The following KCNQ5 variants were observed in gnomAD, a reference collection of about 807,000 sequenced individuals.
The protein encoded by KCNQ5 is potassium voltage-gated channel subfamily KQT member 5.
In KCNQ5, 30 loss-of-function variants were observed where a neutral mutation model predicts 98.2. That is an observed-to-expected ratio of 0.31 (90% CI 0.23 to 0.41). KCNQ5 has a LOEUF of 0.41. Ranked by LOEUF, KCNQ5 falls within the 10% of genes least tolerant of loss-of-function variation. KCNQ5 has a pLI of 1.00. For missense variants in KCNQ5, 835 were observed against 1,182.5 expected (o/e 0.71, Z 4.31); for synonymous variants, 458 against 449.4 (o/e 1.02, Z -0.24).
At chr6:72,921,840 T>A (rs139026687) in intron 1 of KCNQ5, among the ~76,000 whole-genome samples, 23 of 152,290 alleles carry the variant, frequency 1.5e-4, no homozygotes, top group Non-Finnish European at 2.9e-4. Context: ...CAGTAATTCA[T>A]AACTCACTGA....
intron 11 of KCNQ5, among the ~76,000 whole-genome samples, chr6:73,187,061 CTT>C (rs56920924): frequency 1.2e-4 from 16 of 137,146 alleles, no homozygotes; most frequent in African/African-American, 1.3e-4. Context: ...CACCAAAATT[CTT>C]TTTTTTTTTT....
chr6:73,175,206 A>C (rs1017553294), intron 11 of KCNQ5, among the ~76,000 whole-genome samples: 1 of 151,676 alleles, frequency 6.6e-6, no homozygotes, highest in African/African-American at 2.4e-5. Context: ...GCTGGAGTGC[A>C]ACGGCGCGAT....
At chr6:72,787,818 T>C (rs1773834967) in intron 1 of KCNQ5, among the ~76,000 whole-genome samples, 1 of 152,228 alleles carries the variant, frequency 6.6e-6, no homozygotes, top group Non-Finnish European at 1.5e-5. Context: ...TGGCACATTC[T>C]TCCTGTGCAT....
chr6:72,825,471 G>C (rs1775950622), intron 1 of KCNQ5, among the ~76,000 whole-genome samples: 1 of 152,216 alleles, frequency 6.6e-6, no homozygotes, highest in Admixed American at 6.5e-5. Flanking sequence ...GAAAATGCCA[G>C]AATGAGTCAC....
intron 2 of KCNQ5, among the ~76,000 whole-genome samples, chr6:73,018,854 C>G (rs1412763896): frequency 6.6e-6 from 1 of 152,138 alleles, no homozygotes; most frequent in African/African-American, 2.4e-5. Flanking sequence ...AGCAGCTCAG[C>G]ATACAACACA....
At chr6:72,876,270 T>A (rs1413120402) in intron 1 of KCNQ5, among the ~76,000 whole-genome samples, 4 of 152,116 alleles carry the variant, frequency 2.6e-5, no homozygotes, top group Non-Finnish European at 5.9e-5. Flanking sequence ...ATTCCATTGG[T>A]TTATGCATTT....
chr6:73,007,595 T>C (rs1582180305), intron 2 of KCNQ5, among the ~76,000 whole-genome samples: 2 of 152,204 alleles, frequency 1.3e-5, no homozygotes, highest in African/African-American at 4.8e-5. Flanking sequence ...TTTTGTCCAT[T>C]TCAGCTCTTA....
chr6:72,977,891 G>A (rs372378883), intron 1 of KCNQ5, among the ~76,000 whole-genome samples: 7 of 152,244 alleles, frequency 4.6e-5, no homozygotes, highest in African/African-American at 1.7e-4. Flanking sequence ...TATACCTTCA[G>A]CACCTAGAAC....
chr6:72,816,173 G>T (rs762458178), intron 1 of KCNQ5, among the ~76,000 whole-genome samples: 1 of 152,102 alleles, frequency 6.6e-6, no homozygotes, highest in Non-Finnish European at 1.5e-5. Flanking sequence ...TTTTATTGTC[G>T]CAAATAAATA....
intron 1 of KCNQ5, among the ~76,000 whole-genome samples, chr6:72,701,865 T>C (rs1768826869): frequency 6.6e-6 from 1 of 152,254 alleles, no homozygotes; most frequent in East Asian, 1.9e-4. Flanking sequence ...GCCTAATTTT[T>C]GTATTTTCTG....
intron 10 of KCNQ5, among the ~76,000 whole-genome samples, chr6:73,160,036 CAG>C (rs201298049): frequency 0.013 from 1,983 of 151,552 alleles, 12 homozygotes; most frequent in Non-Finnish European, 0.017. Context: ...TTTTTTGAGA[CAG>C]AGTCTCGCTC....
chr6:72,850,957 T>A (rs1777228014), intron 1 of KCNQ5, among the ~76,000 whole-genome samples: 1 of 151,934 alleles, frequency 6.6e-6, no homozygotes, highest in African/African-American at 2.4e-5. Context: ...GCTTTTTGAC[T>A]AACAGATACT....
intron 2 of KCNQ5, among the ~76,000 whole-genome samples, chr6:73,032,668 CAG>C (rs1348157695): frequency 6.6e-6 from 1 of 152,140 alleles, no homozygotes; most frequent in Non-Finnish European, 1.5e-5. Context: ...AAAATCATAA[CAG>C]AATACATATC....
At chr6:73,118,738 T>A (rs1328573371) in intron 7 of KCNQ5, among the ~76,000 whole-genome samples, 1 of 152,178 alleles carries the variant, frequency 6.6e-6, no homozygotes, top group East Asian at 1.9e-4. Context: ...AATGAATTGG[T>A]CTGCCAGGCA....
At chr6:72,859,138 A>C (rs762254236) in intron 1 of KCNQ5, among the ~76,000 whole-genome samples, 1 of 152,022 alleles carries the variant, frequency 6.6e-6, no homozygotes, top group East Asian at 1.9e-4. Flanking sequence ...TCTTTCAAAA[A>C]CTCCAAGGCT....
chr6:73,030,763 T>C (rs1333618892), intron 2 of KCNQ5, among the ~76,000 whole-genome samples: 2 of 152,176 alleles, frequency 1.3e-5, no homozygotes, highest in Non-Finnish European at 2.9e-5. Flanking sequence ...CAAGATTGTA[T>C]CTGATTTCTA....
At chr6:72,756,543 G>A (rs1771980063) in intron 1 of KCNQ5, among the ~76,000 whole-genome samples, 1 of 152,090 alleles carries the variant, frequency 6.6e-6, no homozygotes, top group African/African-American at 2.4e-5. Flanking sequence ...AAGTTGTAGA[G>A]TTTTTGTTTT....
intron 1 of KCNQ5, among the ~76,000 whole-genome samples, chr6:72,974,681 A>G (rs2150288803): frequency 6.6e-6 from 1 of 152,280 alleles, no homozygotes; most frequent in East Asian, 1.9e-4. Context: ...TTTAAAAAAT[A>G]GGACAGGTGC....
chr6:73,169,614 G>A, intron 10 of KCNQ5, 132 bp from the exon 11 acceptor site: 1 of 645,056 alleles, frequency 1.6e-6, no homozygotes, highest in South Asian at 2.0e-5. Context: ...AAGACAATTG[G>A]CTGACCTTAT....
Sources: allele counts gnomAD v4.1 joint callset (sites outside exome capture counted in the v4.1 genomes callset), GRCh38; gene constraint gnomAD v4.1.1; transcripts MANE v1.5; gene names NCBI Gene and HGNC (gene_info 2026-07-23, HGNC 2026-07-21).